The following TAPBPL variants were observed in gnomAD, a reference collection of about 807,000 sequenced individuals.
TAPBPL encodes the protein TAP binding protein like, also known as tapasin-related protein.
A neutral mutation model predicts 44.8 loss-of-function variants in TAPBPL; 32 were observed. The ratio of observed to expected loss-of-function variants is 0.71; its 90% CI spans 0.54 to 0.96. The LOEUF (loss-of-function observed/expected upper bound fraction) is 0.96. TAPBPL is among the 40% of genes least tolerant of loss of function. The pLI, the probability that TAPBPL is intolerant of heterozygous loss-of-function variation, is 0.00. For synonymous variants in TAPBPL, 230 were observed against 240.7 expected, an observed-to-expected ratio of 0.96 and a Z score of 0.41; for missense variants, 520 against 586.6, an observed-to-expected ratio of 0.89 and a Z score of 1.17.
At chr12:6,467,057 CT>C, downstream of TAPBPL, 1 of 176,074 alleles carries the variant, frequency 5.7e-6, no homozygotes, top group Non-Finnish European at 1.2e-5. Context: ...TAAGAAGTGC[CT>C]TTCACCTGCC....
At position 6,462,137 on chromosome 12, in the gene TAPBPL, C is replaced by A. The variant is rs1365875191; in HGVS notation, c.1395C>A (p.Ser465Arg). Residue 465 changes from serine (S) to arginine (R), a missense_variant, in exon 7 of 7, where the codon AGC (serine) becomes AGA (arginine). Physicochemically the swap from Ser to Arg is moderately radical, Grantham distance 110. Transcript: ENST00000266556. ...HLHEDRTARV[S>R]QPS ...ATGAAGACCGCACAGCGCGTGTAAG[C>A]CAGCCCAGCTGACCTAAAGCGACAT... The A allele has an allele frequency of 6.2e-7, 1 of 1,610,976 alleles. No individual in the cohort carries two copies. Among genetic ancestry groups the A allele is most frequent in the Non-Finnish European group, 8.5e-7 (1 of 1,177,824 alleles).
At chr12:6,467,939 C>T (rs569937322), downstream of TAPBPL, among the ~76,000 whole-genome samples, 3 of 152,336 alleles carry the variant, frequency 2.0e-5, no homozygotes, top group East Asian at 3.9e-4. Flanking sequence ...AACTGAGGTT[C>T]GGGAACCTCC....
At chr12:6,455,217 AGAGT>A (rs1436710711) in intron 3 of TAPBPL, among the ~76,000 whole-genome samples, 5 of 152,078 alleles carry the variant, frequency 3.3e-5, no homozygotes, top group African/African-American at 7.2e-5. Context: ...CTCTGAACTG[AGAGT>A]AAGTTGCAGA....
chr12:6,464,914 C>A, downstream of TAPBPL: 1 of 1,613,998 alleles, frequency 6.2e-7, no homozygotes, highest in Non-Finnish European at 8.5e-7. Context: ...ACGATGATGG[C>A]ACAGATGGCT....
Position 6,457,597 on chromosome 12 carries a change from G to T in TAPBPL, c.757G>T (p.Ala253Ser), listed in dbSNP as rs771997905. Residue 253 changes from alanine (A) to serine (S), a missense_variant, in exon 4 of 7, where the codon GCT becomes TCT. Physicochemically the swap from Ala to Ser is moderately conservative, Grantham distance 99. Transcript: ENST00000266556. ...AGQGQAVRKG[A>S]TLEPAQLGMA... ...GCAGGGGCAGGCTGTGCGGAAGGGC[G>T]CTACCCTGGAGCCTGCACAACTGGG... 6.2e-6 allele frequency: 10 copies of T among 1,614,140 alleles called. No individual in the cohort carries two copies. The South Asian group carries it at 1.1e-4, about 18-fold the overall frequency.
intron 6 of TAPBPL, chr12:6,461,169 AAG>A (rs1949850421): frequency 2.6e-5 from 35 of 1,357,972 alleles, no homozygotes; most frequent in Non-Finnish European, 3.2e-5. Context: ...AGTAGAAAGA[AAG>A]AGTAGTCACG....
At chr12:6,463,661 T>C, downstream of TAPBPL, 1 of 1,087,912 alleles carries the variant, frequency 9.2e-7, no homozygotes, top group Non-Finnish European at 1.1e-6. The surrounding 1 kb of genome is among the most constrained non-coding windows in gnomAD (Gnocchi z 4.0). Context: ...TTAAATTATT[T>C]GGCTAGATAA....
intron 5 of TAPBPL, 93 bp downstream of exon 5, chr12:6,459,040 C>T (rs1165037677): frequency 1.3e-5 from 19 of 1,424,956 alleles, no homozygotes; most frequent in Non-Finnish European, 1.6e-5. Context: ...GCTGCCCATC[C>T]ACTTTGTTCG....
At position 6,453,341 on chromosome 12, in the gene TAPBPL, C is replaced by T. The variant is rs749423872; in HGVS notation, c.295+44C>T. ...TGTCCTTGGTCCTCCCGGGCTCCCT[C>T]CACCAGGACAGCCCAGGTCCCGATT... On this transcript the variant is annotated intron_variant, in intron 2 of 6. Transcript: ENST00000266556. This position sits in a 1 kb window ranked among gnomAD's most constrained non-coding sequence, Gnocchi z 4.8. 5 of 1,610,814 alleles carry T rather than the reference C, an allele frequency of 3.1e-6. No homozygotes were observed. The South Asian group carries it at 5.5e-5, about 18-fold the overall frequency.
intron 6 of TAPBPL, 56 bp from the exon 7 acceptor site, chr12:6,461,978 T>A: frequency 6.9e-7 from 1 of 1,455,906 alleles, no homozygotes; most frequent in Non-Finnish European, 9.6e-7. Flanking sequence ...GAACCTGTGC[T>A]TGTTTGCCAG....
Position 6,453,066 on chromosome 12 carries a change from G to A in TAPBPL, c.65-1G>A, listed in dbSNP as rs1449594546. On this transcript the variant is annotated splice_acceptor_variant, in intron 1 of 6. Coordinates refer to ENST00000266556, the MANE Select transcript of TAPBPL (RefSeq NM_018009.5). LOFTEE classifies it high-confidence loss of function. The surrounding 1 kb of genome is among the most constrained non-coding windows in gnomAD (Gnocchi z 4.8). Reference sequence around the variant, plus strand: ...GTGCTCACCCCAGCCTTTGTCTGCAGAGCCCCACCCAGCAGAGGGGCAGTG... The same window carrying A: ...GTGCTCACCCCAGCCTTTGTCTGCAAAGCCCCACCCAGCAGAGGGGCAGTG... 6.4e-7 allele frequency: 1 copy of A among 1,570,222 alleles called. No homozygotes were observed. The highest frequency in any genetic ancestry group is 1.3e-5 in the African/African-American group (1 of 74,486).
chr12:6,466,387 C>A, downstream of TAPBPL: 3 of 1,588,602 alleles, frequency 1.9e-6, no homozygotes, highest in South Asian at 1.1e-5. Context: ...ACAAAGTGAC[C>A]AAGACAAGAA....
downstream of TAPBPL, chr12:6,465,475 G>GTATATAT (rs1950000610): frequency 5.5e-6 from 1 of 181,594 alleles, no homozygotes; most frequent in African/African-American, 3.2e-5. Flanking sequence ...TAGTGTGTGT[G>GTATATAT]TGTGTGTGTG....
chr12:6,452,346 G>A (rs1222871338), intron 1 of TAPBPL, 34 bp downstream of exon 1: 2 of 1,559,422 alleles, frequency 1.3e-6, no homozygotes, highest in Non-Finnish European at 1.7e-6. Context: ...CTGGCTGGGA[G>A]AAGAGCTACT....
At chr12:6,459,748 ATTTATTTATTTATTTAT>A (rs1395734890) in intron 5 of TAPBPL, among the ~76,000 whole-genome samples, 1 of 144,422 alleles carries the variant, frequency 6.9e-6, no homozygotes, top group South Asian at 2.1e-4. Context: ...TTATTTATTT[ATTTATTTATTTATTTAT>A]TTTATTTTAT....
chr12:6,459,917 C>G (rs542962554), intron 5 of TAPBPL, among the ~76,000 whole-genome samples: 1 of 151,756 alleles, frequency 6.6e-6, no homozygotes, highest in South Asian at 2.1e-4. Context: ...ATTACAGGCG[C>G]GCACCACCAC....
intron 5 of TAPBPL, among the ~76,000 whole-genome samples, chr12:6,459,743 T>G (rs1488018701): frequency 6.9e-6 from 1 of 144,106 alleles, no homozygotes; most frequent in Non-Finnish European, 1.5e-5. Flanking sequence ...TTTATTTATT[T>G]ATTTATTTAT....
upstream of TAPBPL, chr12:6,451,856 T>G: frequency 3.3e-6 from 1 of 301,588 alleles, no homozygotes; most frequent in Non-Finnish European, 6.3e-6. Context: ...GTGAGAAAGG[T>G]CCCCAGGCTA....
chr12:6,463,077 C>T, downstream of TAPBPL: 1 of 1,533,424 alleles, frequency 6.5e-7, no homozygotes, highest in East Asian at 2.4e-5. The surrounding 1 kb of genome is among the most constrained non-coding windows in gnomAD (Gnocchi z 4.0). Flanking sequence ...CATTAATAGC[C>T]CATCCTGAAG....
Sources: gnomAD v4.1 joint callset for allele counts (sites outside exome capture counted in the v4.1 genomes callset) on GRCh38, gnomAD v4.1.1 for gene constraint, Gnocchi (gnomAD v3.1) non-coding constraint, MANE v1.5 for transcripts, NCBI Gene and HGNC (gene_info 2026-07-23, HGNC 2026-07-21) for gene names.